The following NCALD variants were observed in gnomAD, a reference collection of about 807,000 sequenced individuals.
NCALD encodes the protein neurocalcin-delta.
A neutral mutation model predicts 18.6 loss-of-function variants in NCALD; 10 were observed. The ratio of observed to expected loss-of-function variants is 0.54; its 90% CI spans 0.33 to 0.91. The LOEUF is 0.91. NCALD is among the 40% of genes least tolerant of loss of function. The pLI, the probability that NCALD is intolerant of heterozygous loss-of-function variation, is 0.03. For missense variants in NCALD, 184 were observed against 247.6 expected (o/e 0.74, Z 1.72); for synonymous variants, 88 against 87.4 (o/e 1.01, Z -0.04).
At chr8:101,838,347 G>C (rs767623958) in intron 4 of NCALD, among the ~76,000 whole-genome samples, 1 of 151,956 alleles carries the variant, frequency 6.6e-6, no homozygotes, top group African/African-American at 2.4e-5. Flanking sequence ...TCAGCCTCCC[G>C]AGTAGCTGGG....
chr8:101,734,337 T>C (rs1816981871), intron 1 of NCALD, among the ~76,000 whole-genome samples: 1 of 152,192 alleles, frequency 6.6e-6, no homozygotes, highest in East Asian at 1.9e-4. Context: ...ACCCGGAACA[T>C]GACTTGCTCC....
chr8:101,846,857 C>T (rs1814887126), intron 4 of NCALD, among the ~76,000 whole-genome samples: 1 of 152,146 alleles, frequency 6.6e-6, no homozygotes, highest in Admixed American at 6.5e-5. Flanking sequence ...TTTTGAGAAC[C>T]ACTCTTCCAG....
chr8:101,737,620 T>C (rs762989963), intron 1 of NCALD, among the ~76,000 whole-genome samples: 34 of 152,174 alleles, frequency 2.2e-4, no homozygotes, highest in Non-Finnish European at 4.4e-4. Flanking sequence ...CGGAGGAGAA[T>C]AAAAACAAAA....
At chr8:102,070,559 T>C (rs1255194358) in intron 1 of NCALD, among the ~76,000 whole-genome samples, 1 of 152,226 alleles carries the variant, frequency 6.6e-6, no homozygotes, top group Non-Finnish European at 1.5e-5. Context: ...CTTAAATACT[T>C]TACAAATCTA....
intron 1 of NCALD, among the ~76,000 whole-genome samples, chr8:102,110,848 A>G (rs1044031817): frequency 6.6e-6 from 1 of 152,238 alleles, no homozygotes; most frequent in African/African-American, 2.4e-5. Flanking sequence ...ATGACCAAAA[A>G]TAGAATGACT....
At chr8:101,986,824 C>G (rs898687112) in intron 2 of NCALD, among the ~76,000 whole-genome samples, 7 of 152,220 alleles carry the variant, frequency 4.6e-5, no homozygotes, top group African/African-American at 1.7e-4. Context: ...TTTTGTCTCA[C>G]CCAGTGCTTA....
chr8:101,760,719 C>T (rs1811077336), intron 1 of NCALD, among the ~76,000 whole-genome samples: 1 of 152,192 alleles, frequency 6.6e-6, no homozygotes, highest in Admixed American at 6.5e-5. Flanking sequence ...ATCTATCTCA[C>T]TTGCCATAAG....
At chr8:102,096,502 A>T (rs1825105441) in intron 1 of NCALD, among the ~76,000 whole-genome samples, 1 of 152,026 alleles carries the variant, frequency 6.6e-6, no homozygotes, top group Admixed American at 6.6e-5. Flanking sequence ...ACCAGAGACT[A>T]CTCCCTTTGC....
At chr8:102,081,925 C>T (rs1824551237) in intron 1 of NCALD, among the ~76,000 whole-genome samples, 1 of 152,126 alleles carries the variant, frequency 6.6e-6, no homozygotes, top group Admixed American at 6.5e-5. Flanking sequence ...TCTGGTGGTG[C>T]ATTAGAGTGG....
At chr8:101,950,234 CA>C (rs1352560375) in intron 2 of NCALD, 2 of 152,298 alleles carry the variant, frequency 1.3e-5, no homozygotes, top group African/African-American at 4.8e-5. Flanking sequence ...AGCAGATGGG[CA>C]AGTGGTGACT....
At chr8:101,827,921 T>C (rs1814007120) in intron 4 of NCALD, among the ~76,000 whole-genome samples, 1 of 152,230 alleles carries the variant, frequency 6.6e-6, no homozygotes, top group Non-Finnish European at 1.5e-5. Context: ...ACGTGGTTCA[T>C]TTCCAAAAAG....
At chr8:101,961,681 C>T (rs1299006539) in intron 2 of NCALD, among the ~76,000 whole-genome samples, 1 of 152,156 alleles carries the variant, frequency 6.6e-6, no homozygotes, top group Non-Finnish European at 1.5e-5. Flanking sequence ...CTTCCTGGCT[C>T]AGCCTCCCAA....
At chr8:101,710,653 G>T (rs1447066221) in intron 2 of NCALD, among the ~76,000 whole-genome samples, 1 of 152,214 alleles carries the variant, frequency 6.6e-6, no homozygotes, top group Non-Finnish European at 1.5e-5. Context: ...CCACTGGGAG[G>T]TTTGGACTGG....
chr8:101,731,493 A>T (rs1458975907), intron 1 of NCALD, among the ~76,000 whole-genome samples: 1 of 152,140 alleles, frequency 6.6e-6, no homozygotes, highest in Non-Finnish European at 1.5e-5. Context: ...ATTAAATTGG[A>T]AATGGAGTTG....
chr8:101,886,433 A>G (rs1360597203), intron 4 of NCALD, among the ~76,000 whole-genome samples: 1 of 152,200 alleles, frequency 6.6e-6, no homozygotes, highest in Non-Finnish European at 1.5e-5. Context: ...GGCACAAAAC[A>G]TTACTGAGGT....
rs140309140 is a variant in NCALD, at chr8:101,868,428, T to C, written c.-20+18713A>G. ...CACCTAAGGCTGATTCACGCTGACT[T>C]CCTAGAACTAAATCAAAAGGAAAAC... On this transcript the variant is annotated intron_variant, in intron 4 of 6. Coordinates refer to the NCALD transcript ENST00000311028. 3.8e-3 allele frequency among the ~76,000 whole-genome samples: 573 copies of C among 152,188 alleles called. 5 individuals are homozygous for C. Among genetic ancestry groups the C allele is most frequent in the Non-Finnish European group, 3.7e-3 (249 of 68,006 alleles).
intron 1 of NCALD, among the ~76,000 whole-genome samples, chr8:102,099,935 G>A (rs1424991868): frequency 6.7e-6 from 1 of 149,658 alleles, no homozygotes; most frequent in African/African-American, 2.5e-5. Context: ...TTGCATCACT[G>A]CACTCCAGCC....
intron 1 of NCALD, among the ~76,000 whole-genome samples, chr8:101,738,800 G>C (rs923428075): frequency 6.6e-6 from 1 of 152,052 alleles, no homozygotes; most frequent in Admixed American, 6.6e-5. Flanking sequence ...CTGATGCATC[G>C]GGGTTTTTGT....
At chr8:101,845,056 G>A (rs967541449) in intron 4 of NCALD, among the ~76,000 whole-genome samples, 1 of 152,172 alleles carries the variant, frequency 6.6e-6, no homozygotes, top group South Asian at 2.1e-4. Context: ...GCTTAAAGTG[G>A]CAGCTACAGA....
Sources: gnomAD v4.1 joint callset for allele counts (sites outside exome capture counted in the v4.1 genomes callset) on GRCh38, gnomAD v4.1.1 for gene constraint, MANE v1.5 for transcripts, NCBI Gene and HGNC (gene_info 2026-07-23, HGNC 2026-07-21) for gene names.